Variants in MFSD11 observed in about 807,000 individuals in gnomAD.
The protein encoded by MFSD11 is UNC93-like protein MFSD11.
MFSD11 carries 36 observed loss-of-function variants against 53.5 expected under a neutral mutation model. That is an observed-to-expected ratio of 0.67 (90% confidence interval 0.52 to 0.89). The LOEUF (loss-of-function observed/expected upper bound fraction) is 0.89. Among genes scored for constraint, MFSD11 ranks in the 40% least tolerant of loss-of-function variants. The pLI, the probability that MFSD11 is intolerant of heterozygous loss-of-function variation, is 0.00. For synonymous variants in MFSD11, 186 were observed against 184.9 expected, an observed-to-expected ratio of 1.01 and a Z score of -0.05; for missense variants, 530 against 543.9, an observed-to-expected ratio of 0.97 and a Z score of 0.25.
At chr17:76,750,793 A>G (rs1201898523) in intron 7 of MFSD11, among the ~76,000 whole-genome samples, 2 of 150,334 alleles carry the variant, frequency 1.3e-5, no homozygotes, top group Non-Finnish European at 3.0e-5. Flanking sequence ...GGCTATTAGG[A>G]TAGGAAATGT....
At chr17:76,791,135 G>A in the MFSD11 span, among the ~76,000 whole-genome samples, 1 of 148,272 alleles carries the variant, frequency 6.7e-6, no homozygotes, top group East Asian at 2.0e-4. Context: ...TGCAGCATTG[G>A]GCTATGATTT....
chr17:76,745,303 A>C (rs1221215280), intron 7 of MFSD11: 1 of 152,236 alleles, frequency 6.6e-6, no homozygotes, highest in African/African-American at 2.4e-5. Context: ...CCAGATTTGC[A>C]GTAAGTTTGT....
chr17:76,789,401 A>G, the MFSD11 span, among the ~76,000 whole-genome samples: 2 of 149,992 alleles, frequency 1.3e-5, 1 homozygote, highest in African/African-American at 4.9e-5. Flanking sequence ...AGTTGTGTGT[A>G]TGCTCGTTTG....
chr17:76,793,822 C>T, the MFSD11 span, among the ~76,000 whole-genome samples: 6 of 151,646 alleles, frequency 4.0e-5, no homozygotes, highest in South Asian at 4.1e-4. Context: ...TCCCTCCATT[C>T]GGGGTCCCTG....
rs750653614 is a variant in MFSD11 at position 76,738,947 on chromosome 17, A to G, written c.106A>G (p.Ile36Val). The change falls in exon 2 of 13, where the codon ATC becomes GTC. Residue 36 changes from isoleucine (I) to valine (V), a missense_variant. Ile to Val is a conservative substitution (Grantham distance 29, BLOSUM62 3). Coordinates refer to ENST00000685175, the MANE Select transcript of MFSD11 (RefSeq NM_001242532.5). Reference sequence around the variant, plus strand: ...TTTATCTTCCACACAGCAAACTGTCATCAGGAGCTTAAATAGGACAGATTT... The same window carrying G: ...TTTATCTTCCACACAGCAAACTGTCGTCAGGAGCTTAAATAGGACAGATTT... ...QTCGNVAQTVIRSLNRTDFHG... is the reference protein window; with the variant it reads ...QTCGNVAQTVVRSLNRTDFHG... The G allele has an allele frequency of 8.6e-5, 139 of 1,613,892 alleles. 2 individuals are homozygous for G. The South Asian group carries it at 1.4e-3, about 16-fold the overall frequency.
chr17:76,739,126 G>A lies in MFSD11; in HGVS notation c.152+133G>A, dbSNP rs1454659278. The A allele has an allele frequency of 1.0e-5, 7 of 697,076 alleles. 1 individual carries two copies. Among genetic ancestry groups the A allele is most frequent in the Admixed American group, 5.0e-5 (2 of 39,928 alleles). 43.2% of individuals were successfully genotyped at this position (697,076 alleles called of 1,614,324 possible). A position where few individuals can be genotyped will look rare whatever the true frequency, so the allele number is the denominator to read the frequency against. On this transcript the variant is annotated intron_variant, in intron 2 of 12. Coordinates refer to ENST00000685175, the MANE Select transcript of MFSD11 (RefSeq NM_001242532.5). Reference sequence around the variant, plus strand: ...TTTCTCTTCTCAGTGCCTAGACTGAGAGAACATAATAGAATAAAGCTGATG... The same window carrying A: ...TTTCTCTTCTCAGTGCCTAGACTGAAAGAACATAATAGAATAAAGCTGATG...
chr17:76,760,444 A>T (rs1598650984), intron 8 of MFSD11, among the ~76,000 whole-genome samples: 1 of 152,076 alleles, frequency 6.6e-6, no homozygotes, highest in Non-Finnish European at 1.5e-5. Context: ...AAGTCCGCAC[A>T]GAAGTGGACC....
At chr17:76,767,492 G>A in intron 9 of MFSD11, 41 bp downstream of exon 9, 1 of 1,279,334 alleles carries the variant, frequency 7.8e-7, no homozygotes, top group South Asian at 1.3e-5. Context: ...GCTGCATAAT[G>A]ACAATAAGGA....
downstream of MFSD11, among the ~76,000 whole-genome samples, chr17:76,780,553 T>C (rs1437124034): frequency 6.6e-6 from 1 of 151,780 alleles, no homozygotes; most frequent in African/African-American, 2.4e-5. Context: ...TCTCACTCTG[T>C]TGCCCAGGCT....
intron 1 of MFSD11, 75 bp downstream of exon 1, chr17:76,738,523 TATA>T: frequency 1.9e-6 from 2 of 1,026,434 alleles, no homozygotes; most frequent in Non-Finnish European, 2.9e-6. Flanking sequence ...AAACGTTCAT[TATA>T]TCTAATAGCG....
chr17:76,744,458 A>G lies in MFSD11; in HGVS notation c.633A>G (p.Glu211=), dbSNP rs754065467. The G allele has an allele frequency of 1.9e-6, 3 of 1,608,270 alleles. No individual in the cohort carries two copies. In the South Asian group the frequency reaches 3.3e-5, roughly 18 times the overall value. The change falls in exon 7 of 13, where the codon GAA becomes GAG. Residue 211 remains glutamate, a synonymous_variant. Coordinates refer to ENST00000685175, the MANE Select transcript of MFSD11 (RefSeq NM_001242532.5). ...AGTCTTCTGATGACCAGGACATGGA[A>G]GTCAACGAGTAAGATGTTGGAAACA... is the stretch of plus-strand genomic sequence containing the variant. ...EDESSDDQDM[E]VNESAQNNLT...
chr17:76,760,836 A>G (rs2080155499), intron 8 of MFSD11, among the ~76,000 whole-genome samples: 1 of 152,028 alleles, frequency 6.6e-6, no homozygotes, highest in African/African-American at 2.4e-5. Context: ...GGCCAGGAGC[A>G]GTTTCTATCG....
chr17:76,738,498 TC>T, intron 1 of MFSD11, 50 bp downstream of exon 1: 1 of 1,349,646 alleles, frequency 7.4e-7, no homozygotes, highest in Non-Finnish European at 1.0e-6. Context: ...CATAATGCAG[TC>T]CAGAAATGAA....
the MFSD11 span, among the ~76,000 whole-genome samples, chr17:76,798,322 C>T: frequency 6.6e-6 from 1 of 152,158 alleles, no homozygotes; most frequent in Non-Finnish European, 1.5e-5. Flanking sequence ...GGATGCCACC[C>T]TCCCAGCACC....
chr17:76,737,344 G>A (rs1231964625), upstream of MFSD11: 14 of 754,468 alleles, frequency 1.9e-5, no homozygotes, highest in Non-Finnish European at 2.8e-5. Flanking sequence ...GCGGGCAGCC[G>A]GCCTCTGCGC....
At chr17:76,774,041 T>G (rs1325501433) in intron 10 of MFSD11, among the ~76,000 whole-genome samples, 1 of 152,142 alleles carries the variant, frequency 6.6e-6, no homozygotes, top group African/African-American at 2.4e-5. Flanking sequence ...TTCTCCTGCC[T>G]CTGCCTCTTA....
the MFSD11 span, among the ~76,000 whole-genome samples, chr17:76,790,451 C>T: frequency 2.0e-5 from 3 of 147,140 alleles, no homozygotes; most frequent in Admixed American, 6.8e-5. Context: ...AAGCAATTCT[C>T]GTGCCTCAGC....
intron 7 of MFSD11, among the ~76,000 whole-genome samples, chr17:76,750,571 T>C (rs1247870703): frequency 6.6e-6 from 1 of 151,972 alleles, no homozygotes; most frequent in Non-Finnish European, 1.5e-5. Context: ...TTAGCCAGGA[T>C]GGTCTCGATC....
intron 8 of MFSD11, among the ~76,000 whole-genome samples, chr17:76,763,972 G>A (rs1055260064): frequency 1.3e-5 from 2 of 151,508 alleles, no homozygotes; most frequent in Non-Finnish European, 2.9e-5. Flanking sequence ...AGGCAATTCT[G>A]GTGCCTCAGC....
Sources: allele counts gnomAD v4.1 joint callset (sites outside exome capture counted in the v4.1 genomes callset), GRCh38; gene constraint gnomAD v4.1.1; transcripts MANE v1.5; gene names NCBI Gene and HGNC (gene_info 2026-07-23, HGNC 2026-07-21).